Variants in DHX30 observed in about 807,000 individuals in gnomAD.
The protein encoded by DHX30 is DExH-box helicase 30.
Under a neutral mutation model 116.9 loss-of-function variants are expected in DHX30, and 4 were observed. The ratio of observed to expected loss-of-function variants is 0.03; its 90% CI spans 0.02 to 0.08. The LOEUF (loss-of-function observed/expected upper bound fraction) is 0.08, where lower values mean the gene tolerates loss of function less well. Ranked by LOEUF, DHX30 falls within the 10% of genes least tolerant of loss-of-function variation. The pLI is 1.00. For missense variants in DHX30, 871 were observed against 1,595.1 expected, an observed-to-expected ratio of 0.55 and a Z score of 7.73; for synonymous variants, 697 against 651.7, an observed-to-expected ratio of 1.07 and a Z score of -1.06.
rs2036306982 is a variant in DHX30, at chr3:47,821,659, C to CGCAATGTCGGCTTA, written c.124+3554_124+3555insTAGCAATGTCGGCT. On this transcript the variant is annotated intron_variant, in intron 4 of 21. Coordinates refer to ENST00000445061, the MANE Select transcript of DHX30 (RefSeq NM_138615.3). ...TGTTGTCCAGGCTGGAGTGCAATGG[C>CGCAATGTCGGCTTA]GCAATGTCGGCTCACTGCAACCTCC... Among the ~76,000 whole-genome samples the CGCAATGTCGGCTTA allele has an allele frequency of 2.0e-5, 3 of 152,048 alleles. No homozygotes were observed. In the East Asian group the frequency reaches 5.8e-4, roughly 29 times the overall value.
intron 6 of DHX30, among the ~76,000 whole-genome samples, chr3:47,837,305 G>C (rs564186511): frequency 5.3e-5 from 8 of 152,358 alleles, no homozygotes; most frequent in African/African-American, 1.9e-4. Context: ...GGGGCAGAAT[G>C]ATTTGATCCT....
chr3:47,819,459 C>T (rs552743911), intron 4 of DHX30, among the ~76,000 whole-genome samples: 5 of 152,338 alleles, frequency 3.3e-5, no homozygotes, highest in Admixed American at 2.6e-4. Context: ...GTGCAGACCC[C>T]TGAGCCTGGT....
intron 6 of DHX30, among the ~76,000 whole-genome samples, chr3:47,836,691 G>T (rs2037133871): frequency 6.6e-6 from 1 of 151,930 alleles, no homozygotes; most frequent in Non-Finnish European, 1.5e-5. Context: ...GCTAAGTTTT[G>T]TATTTTTAGT....
intron 1 of DHX30, among the ~76,000 whole-genome samples, chr3:47,803,460 ACCGGTCCG>A (rs2035380187): frequency 6.6e-6 from 1 of 152,050 alleles, no homozygotes; most frequent in Admixed American, 6.5e-5. Flanking sequence ...CGGGGGCCAG[ACCGGTCCG>A]CCGGGGCGGG....
chr3:47,830,666 T>G (rs2036803844), intron 6 of DHX30: 1 of 152,292 alleles, frequency 6.6e-6, no homozygotes. Context: ...TGATCATGGC[T>G]CACTGCAATC....
intron 6 of DHX30, among the ~76,000 whole-genome samples, 173 bp downstream of exon 6, chr3:47,829,307 TATATA>T (rs1228618669): frequency 3.5e-4 from 13 of 36,930 alleles, no homozygotes; most frequent in Non-Finnish European, 8.3e-4. Context: ...TATATATATA[TATATA>T]TATTTTTTTT....
intron 4 of DHX30, 31 bp downstream of exon 4, chr3:47,818,148 C>T: frequency 2.6e-6 from 2 of 775,840 alleles, no homozygotes; most frequent in Non-Finnish European, 4.8e-6. Flanking sequence ...CCAGCAACAG[C>T]TTGGTCCAGG....
chr3:47,805,449 G>C (rs998084438), intron 2 of DHX30, 29 bp downstream of exon 2: 4 of 398,942 alleles, frequency 1.0e-5, no homozygotes, highest in African/African-American at 2.1e-5. Flanking sequence ...GCACAGAGCA[G>C]TGGTGGATCT....
intron 5 of DHX30, among the ~76,000 whole-genome samples, chr3:47,828,788 T>G (rs546320337): frequency 1.3e-5 from 2 of 152,070 alleles, no homozygotes; most frequent in African/African-American, 4.8e-5. Context: ...CATGGCACCT[T>G]GAAGGAGCAA....
At chr3:47,820,683 C>T (rs138385205) in intron 4 of DHX30, among the ~76,000 whole-genome samples, 7 of 152,226 alleles carry the variant, frequency 4.6e-5, no homozygotes, top group African/African-American at 1.2e-4. Flanking sequence ...AGATCCTTTA[C>T]GCCTTAATTC....
chr3:47,833,668 G>A (rs1203351989), intron 6 of DHX30, among the ~76,000 whole-genome samples: 1 of 151,204 alleles, frequency 6.6e-6, no homozygotes, highest in Non-Finnish European at 1.5e-5. Flanking sequence ...GACCAGCTTG[G>A]CCAACATGGT....
At chr3:47,840,856 A>G (rs770333873) in intron 6 of DHX30, 21 bp from the exon 7 acceptor site, 2 of 1,613,962 alleles carry the variant, frequency 1.2e-6, no homozygotes, top group Non-Finnish European at 1.7e-6. Flanking sequence ...CAATCCTTAA[A>G]ACGTCCCTTT....
chr3:47,833,537 C>CAA (rs71070236), intron 6 of DHX30, among the ~76,000 whole-genome samples: 36,052 of 62,076 alleles, frequency 0.58, 10,453 homozygotes, highest in East Asian at 0.67. Flanking sequence ...CTCTCTCTCT[C>CAA]AAAAAAAAAA....
chr3:47,835,906 A>G (rs771278698), intron 6 of DHX30, among the ~76,000 whole-genome samples: 5 of 152,158 alleles, frequency 3.3e-5, no homozygotes, highest in Non-Finnish European at 7.3e-5. Context: ...GCCATTTGGC[A>G]ATGTCTGTAG....
Position 47,848,069 on chromosome 3 carries a change from C to A in DHX30, c.2287-111C>A, listed in dbSNP as rs1260261821. The A allele has an allele frequency of 3.8e-6, 6 of 1,578,876 alleles. No individual in the cohort carries two copies. The Admixed American group carries it at 6.8e-5, about 18-fold the overall frequency. On this transcript the variant is annotated intron_variant, in intron 14 of 21. Coordinates refer to ENST00000445061, the MANE Select transcript of DHX30 (RefSeq NM_138615.3). The surrounding 1 kb of genome is among the most constrained non-coding windows in gnomAD (Gnocchi z 9.4). Reference sequence around the variant, plus strand: ...CTTTGTGTGTCTTCAGAAGGCCGCGCTTGTGGGGTCTCAGTGTTCCTGATG... The same window carrying A: ...CTTTGTGTGTCTTCAGAAGGCCGCGATTGTGGGGTCTCAGTGTTCCTGATG...
intron 2 of DHX30, among the ~76,000 whole-genome samples, chr3:47,808,568 A>C (rs973091180): frequency 2.7e-5 from 4 of 147,430 alleles, no homozygotes; most frequent in African/African-American, 1.0e-4. Context: ...TTTTTTCTTA[A>C]ATTTATTTTT....
In DHX30 at chr3:47,848,995, G is replaced by A; in HGVS notation, c.2845G>A (p.Val949Met). Residue 949 changes from valine to methionine, a missense_variant, in exon 18 of 22, where the codon GTG becomes ATG. This residue lies in a region of DHX30 where 238 missense variants were observed against 481.0 expected (regional missense o/e 0.49). Coordinates refer to ENST00000445061, the MANE Select transcript of DHX30 (RefSeq NM_138615.3). The surrounding 1 kb of genome is among the most constrained non-coding windows in gnomAD (Gnocchi z 9.4). ...FVRAVAGWEEVLRWQDRSSRE... is the reference protein window; with the variant it reads ...FVRAVAGWEEMLRWQDRSSRE... ...GCGGGCTGTCGCCGGCTGGGAGGAG[G>A]TGCTGCGTTGGCAGGACCGCAGCTC... 2 of 1,613,642 alleles carry A rather than the reference G, an allele frequency of 1.2e-6. No individual in the cohort carries two copies. The highest frequency in any genetic ancestry group is 1.7e-6 in the Non-Finnish European group (2 of 1,179,830).
Position 47,845,804 on chromosome 3 carries a change from C to T in DHX30, c.1044C>T (p.Ile348=), listed in dbSNP as rs772213163. Residue 348 remains isoleucine (I), a synonymous_variant, in exon 10 of 22, where the codon ATC becomes ATT. Transcript: ENST00000445061. ...AGACCCAGCGCCGACCATGCACCAT[C>T]CAGGTGCCCGAGCCCATCCTCCGCA... ...LGETQRRPCT[I]QVPEPILRKI... The T allele has an allele frequency of 6.2e-7, 1 of 1,611,082 alleles. No individual in the cohort carries two copies. The highest frequency in any genetic ancestry group is 8.5e-7 in the Non-Finnish European group (1 of 1,177,478).
chr3:47,833,537 C>CTAAA (rs1385861770), intron 6 of DHX30, among the ~76,000 whole-genome samples: 1 of 62,458 alleles, frequency 1.6e-5, no homozygotes, highest in Non-Finnish European at 2.8e-5. Context: ...CTCTCTCTCT[C>CTAAA]AAAAAAAAAA....
Sources: allele counts gnomAD v4.1 joint callset (sites outside exome capture counted in the v4.1 genomes callset), GRCh38; gene constraint gnomAD v4.1.1; regional missense constraint gnomAD v4.1.1; non-coding constraint Gnocchi (gnomAD v3.1); transcripts MANE v1.5; gene names NCBI Gene and HGNC (gene_info 2026-07-23, HGNC 2026-07-21).